KCNK2: variants seen among roughly 807,000 people sequenced by gnomAD.
KCNK2 encodes potassium two pore domain channel subfamily K member 2.
Under a neutral mutation model 40.5 loss-of-function variants are expected in KCNK2, and 21 were observed. That is an observed-to-expected ratio of 0.52 (90% confidence interval 0.37 to 0.75). The LOEUF (loss-of-function observed/expected upper bound fraction) is 0.75, where lower values mean the gene tolerates loss of function less well. KCNK2 is among the 30% of genes least tolerant of loss of function. KCNK2 has a pLI of 0.00. For missense variants in KCNK2, 399 were observed against 531.6 expected (o/e 0.75, Z 2.45); for synonymous variants, 191 against 202.2 (o/e 0.94, Z 0.47).
intron 6 of KCNK2, among the ~76,000 whole-genome samples, chr1:215,225,643 T>C (rs971703199): frequency 6.6e-6 from 1 of 152,218 alleles, no homozygotes; most frequent in Admixed American, 6.5e-5. Flanking sequence ...TACCAGTCAG[T>C]TAGAATGTAT....
chr1:215,234,875 A>G lies in KCNK2; in HGVS notation c.1011A>G (p.Thr337=). 1 of 1,614,110 alleles carries G rather than the reference A, an allele frequency of 6.2e-7. No homozygotes were observed. The highest frequency in any genetic ancestry group is 8.5e-7 in the Non-Finnish European group (1 of 1,179,996). ...CTGCTGAGTGGACAGCCAACGTCAC[A>G]GCCGAATTCAAAGAAACCAGGAGGC... is the stretch of plus-strand genomic sequence containing the variant. ...AHAAEWTANV[T]AEFKETRRRL... The change falls in exon 7 of 7, where the codon ACA becomes ACG. Residue 337 remains threonine (T), a synonymous_variant. Transcript: ENST00000444842.
intron 2 of KCNK2, among the ~76,000 whole-genome samples, chr1:215,089,069 G>A (rs961269749): frequency 1.3e-5 from 2 of 152,110 alleles, no homozygotes; most frequent in East Asian, 3.9e-4. Context: ...AGGGAGGAAG[G>A]TAAATAAGCC....
chr1:215,194,156 A>G (rs752332905), intron 5 of KCNK2, among the ~76,000 whole-genome samples: 41 of 152,168 alleles, frequency 2.7e-4, no homozygotes, highest in Non-Finnish European at 8.8e-5. Context: ...GACTTAATAA[A>G]TGCCCCCATA....
At chr1:215,102,666 C>T (rs928870956) in intron 2 of KCNK2, among the ~76,000 whole-genome samples, 3 of 151,884 alleles carry the variant, frequency 2.0e-5, no homozygotes, top group Non-Finnish European at 2.9e-5. Flanking sequence ...AACTTTCAGT[C>T]CTGCAAACTC....
At chr1:215,084,320 A>G (rs964878192) in intron 1 of KCNK2, among the ~76,000 whole-genome samples, 2 of 152,244 alleles carry the variant, frequency 1.3e-5, no homozygotes, top group South Asian at 4.1e-4. Context: ...CAAGGTAAAC[A>G]GTCTTAGTGC....
intron 1 of KCNK2, among the ~76,000 whole-genome samples, chr1:215,039,249 C>T (rs1178750189): frequency 6.6e-6 from 1 of 151,908 alleles, no homozygotes; most frequent in Non-Finnish European, 1.5e-5. Context: ...ACTACATTGA[C>T]CTAAAAAAAA....
At chr1:215,225,180 T>C (rs1666338265) in intron 6 of KCNK2, among the ~76,000 whole-genome samples, 1 of 152,210 alleles carries the variant, frequency 6.6e-6, no homozygotes. Context: ...GTACTTTGTA[T>C]ATCATGATAT....
At chr1:215,232,290 C>T (rs74142681) in intron 6 of KCNK2, among the ~76,000 whole-genome samples, 388 of 152,146 alleles carry the variant, frequency 2.6e-3, no homozygotes, top group African/African-American at 8.9e-3. Flanking sequence ...ATAATGAGTA[C>T]TAACATGATA....
chr1:215,179,745 T>G (rs1398967016), intron 5 of KCNK2, among the ~76,000 whole-genome samples: 1 of 152,132 alleles, frequency 6.6e-6, no homozygotes, highest in African/African-American at 2.4e-5. Context: ...TGCTTTTAAT[T>G]TTTTTAAATT....
chr1:215,077,274 A>G (rs1658978305), intron 1 of KCNK2, among the ~76,000 whole-genome samples: 1 of 152,206 alleles, frequency 6.6e-6, no homozygotes. Context: ...AAGACATTTC[A>G]TCGAAGTACT....
At chr1:215,067,707 A>T (rs2102512857) in intron 1 of KCNK2, among the ~76,000 whole-genome samples, 1 of 152,194 alleles carries the variant, frequency 6.6e-6, no homozygotes, top group East Asian at 1.9e-4. Flanking sequence ...CTACTAAAAA[A>T]ATATAAAAAC....
upstream of KCNK2, among the ~76,000 whole-genome samples, chr1:215,079,038 T>A (rs991777719): frequency 6.6e-6 from 1 of 152,206 alleles, no homozygotes; most frequent in Non-Finnish European, 1.5e-5. Flanking sequence ...ATGCTGCTAG[T>A]TGGAGCAGAA....
chr1:215,017,795 G>A (rs1347990459), intron 1 of KCNK2, among the ~76,000 whole-genome samples: 1 of 152,074 alleles, frequency 6.6e-6, no homozygotes, highest in Non-Finnish European at 1.5e-5. Flanking sequence ...TTTCCACAAT[G>A]TATACATACA....
intron 3 of KCNK2, among the ~76,000 whole-genome samples, chr1:215,151,751 G>A (rs1445009056): frequency 6.6e-6 from 1 of 151,762 alleles, no homozygotes; most frequent in African/African-American, 2.4e-5. Flanking sequence ...AATCTTTGTT[G>A]CTGTTGAGGT....
intron 2 of KCNK2, among the ~76,000 whole-genome samples, chr1:215,118,852 TAA>T (rs1661059335): frequency 6.6e-6 from 1 of 152,182 alleles, no homozygotes. Flanking sequence ...CTTTATCACT[TAA>T]AAGTGTTCAA....
At chr1:215,098,307 G>C (rs1394940574) in intron 2 of KCNK2, among the ~76,000 whole-genome samples, 1 of 151,590 alleles carries the variant, frequency 6.6e-6, no homozygotes, top group African/African-American at 2.4e-5. Context: ...AGTGATATTG[G>C]CATTGTTTAA....
intron 6 of KCNK2, among the ~76,000 whole-genome samples, chr1:215,201,305 G>A (rs1571721947): frequency 6.6e-6 from 1 of 152,118 alleles, no homozygotes; most frequent in South Asian, 2.1e-4. Flanking sequence ...ACATAAAATC[G>A]ATGAATAAAG....
At chr1:215,114,437 T>C (rs900894997) in intron 2 of KCNK2, among the ~76,000 whole-genome samples, 1 of 152,246 alleles carries the variant, frequency 6.6e-6, no homozygotes, top group African/African-American at 2.4e-5. Context: ...GGTAGCTCCA[T>C]TATTCCAGTT....
chr1:215,233,513 C>T lies in KCNK2; in HGVS notation c.964-1315C>T, dbSNP rs370738026. 1.6e-4 allele frequency among the ~76,000 whole-genome samples: 24 copies of T among 152,008 alleles called. No homozygotes were observed. In the East Asian group the frequency reaches 4.3e-3, roughly 27 times the overall value. On this transcript the variant is annotated intron_variant, in intron 6 of 6. Coordinates refer to ENST00000444842, the MANE Select transcript of KCNK2 (RefSeq NM_001017425.3). ...ACATTTATATCTATAGCCTTACTTC[C>T]AAGTATGTGTACATATCATATTATA...
Sources: allele counts gnomAD v4.1 joint callset (sites outside exome capture counted in the v4.1 genomes callset), GRCh38; gene constraint gnomAD v4.1.1; transcripts MANE v1.5; gene names NCBI Gene and HGNC (gene_info 2026-07-23, HGNC 2026-07-21).